Variants in DERA observed in about 807,000 individuals in gnomAD.
The protein encoded by DERA is deoxyribose-phosphate aldolase.
Under a neutral mutation model 41.1 loss-of-function variants are expected in DERA, and 15 were observed. That is an observed-to-expected ratio of 0.37 (90% confidence interval 0.24 to 0.56). The LOEUF (loss-of-function observed/expected upper bound fraction) is 0.56. Ranked by LOEUF, DERA falls within the 20% of genes least tolerant of loss-of-function variation. The pLI is 0.81. For missense variants in DERA, 396 were observed against 403.4 expected, an observed-to-expected ratio of 0.98 and a Z score of 0.16; for synonymous variants, 139 against 137.4, an observed-to-expected ratio of 1.01 and a Z score of -0.08.
In DERA at chr12:15,957,066, A is replaced by T. The variant is rs748795653; in HGVS notation, c.129+33A>T. The stretch of plus-strand genomic sequence containing the variant: ...TTCTTCTTGAGCATTCTGTGCCTGT[A>T]TTTTACAATGCATGGTCTCTTCCCT... On this transcript the variant is annotated intron_variant, in intron 2 of 8. Coordinates refer to ENST00000428559, the MANE Select transcript of DERA (RefSeq NM_015954.4). This position sits in a 1 kb window ranked among gnomAD's most constrained non-coding sequence, Gnocchi z 4.8. 1 of 1,513,340 alleles carries T rather than the reference A, an allele frequency of 6.6e-7. No individual in the cohort carries two copies. Among genetic ancestry groups the T allele is most frequent in the South Asian group, 1.1e-5 (1 of 88,596 alleles). 93.7% of individuals were successfully genotyped at this position (1,513,340 alleles called of 1,614,324 possible).
intron 6 of DERA, among the ~76,000 whole-genome samples, chr12:16,025,291 A>C (rs1311532315): frequency 6.6e-6 from 1 of 152,154 alleles, no homozygotes; most frequent in Non-Finnish European, 1.5e-5. Flanking sequence ...AGATCCTACT[A>C]TATGTTGTCT....
In DERA at chr12:16,032,655, G is replaced by GTATA; in HGVS notation, c.750+3_750+6dup. 1.3e-6 allele frequency: 2 copies of GTATA among 1,508,120 alleles called. No homozygotes were observed. The highest frequency in any genetic ancestry group is 1.8e-6 in the Non-Finnish European group (2 of 1,105,698). 93.4% of individuals were successfully genotyped at this position (1,508,120 alleles called of 1,614,324 possible). A position where few individuals can be genotyped will look rare whatever the true frequency, so the allele number is the denominator to read the frequency against. On this transcript the variant is annotated splice_donor_variant, in intron 7 of 8. Coordinates refer to ENST00000428559, the MANE Select transcript of DERA (RefSeq NM_015954.4). LOFTEE classifies it high-confidence loss of function. Reference sequence around the variant, plus strand: ...TTTCTTCTGGAAAACTGGAAACAAGGTATATTATTGCCAGCAAATCTTTCT... The same window carrying GTATA: ...TTTCTTCTGGAAAACTGGAAACAAGGTATATATATTATTGCCAGCAAATCTTTCT...
chr12:15,926,628 C>T (rs975375221), intron 1 of DERA, among the ~76,000 whole-genome samples: 6 of 149,258 alleles, frequency 4.0e-5, no homozygotes, highest in Non-Finnish European at 8.9e-5. Flanking sequence ...CCCAGCTACT[C>T]GGGAGGCTGA....
Position 15,966,731 on chromosome 12 carries a change from C to G in DERA, c.508+3784C>G, listed in dbSNP as rs138762455. Among the ~76,000 whole-genome samples the G allele has an allele frequency of 1.6e-3, 239 of 152,178 alleles. No individual in the cohort carries two copies. Among genetic ancestry groups the G allele is most frequent in the Non-Finnish European group, 2.8e-3 (191 of 68,008 alleles). ...GTCTCATTTGCAAGCTCCTTCACCT[C>G]CTCTGTCATCCCTGAAGTGTCCATG... On this transcript the variant is annotated intron_variant, in intron 5 of 8. Transcript: ENST00000428559. This position sits in a 1 kb window ranked among gnomAD's most constrained non-coding sequence, Gnocchi z 5.1.
chr12:15,931,613 A>G lies in DERA; in HGVS notation c.31+20199A>G, dbSNP rs1329572274. ...AGTCTTTTATGGAGTTATCTTCATG[A>G]GAGCATGCTATGGTTTGGATGTGGT... On this transcript the variant is annotated intron_variant, in intron 1 of 8. Coordinates refer to ENST00000428559, the MANE Select transcript of DERA (RefSeq NM_015954.4). This position sits in a 1 kb window ranked among gnomAD's most constrained non-coding sequence, Gnocchi z 4.6. Among the ~76,000 whole-genome samples the G allele has an allele frequency of 6.6e-6, 1 of 152,214 alleles. No homozygotes were observed. Among genetic ancestry groups the G allele is most frequent in the Non-Finnish European group, 1.5e-5 (1 of 68,038 alleles).
rs1387221917 is a variant in DERA at position 16,032,395 on chromosome 12, T to C, written c.638-147T>C. On this transcript the variant is annotated intron_variant, in intron 6 of 8. Transcript: ENST00000428559. ...TGGACATAATCATTTTAAAGGGAGATTTTGGTTTTAGTTTTTCCAATAATT... is the reference window on the plus strand; with the variant it reads ...TGGACATAATCATTTTAAAGGGAGACTTTGGTTTTAGTTTTTCCAATAATT... 5.3e-6 allele frequency: 3 copies of C among 560,976 alleles called. No homozygotes were observed. In the Admixed American group the frequency reaches 1.1e-4, roughly 20 times the overall value. The allele number at this position is 560,976 out of a possible 1,614,324, so 34.7% of individuals were successfully genotyped here.
intron 6 of DERA, among the ~76,000 whole-genome samples, chr12:16,016,861 T>C (rs969940520): frequency 6.6e-6 from 1 of 151,120 alleles, no homozygotes; most frequent in East Asian, 1.9e-4. Context: ...ATAGAAGTTA[T>C]GTACTTTGAT....
intron 1 of DERA, among the ~76,000 whole-genome samples, chr12:15,925,152 A>G (rs1385455017): frequency 6.6e-6 from 1 of 151,508 alleles, no homozygotes; most frequent in East Asian, 1.9e-4. Flanking sequence ...CCGAGCCCCA[A>G]CCCCTTTGCT....
rs75206173 is a variant in DERA, at chr12:15,928,979, C to T, written c.31+17565C>T. Among the ~76,000 whole-genome samples, 439 of 152,292 alleles carry T rather than the reference C, an allele frequency of 2.9e-3. 1 individual carries two copies. Among genetic ancestry groups the T allele is most frequent in the African/African-American group, 0.01 (418 of 41,576 alleles). ...GTCCTGCAGACGGGAGCAGCGTTCT[C>T]TGTGAAAACTGGACAGGAGTCAGCT... is the stretch of plus-strand genomic sequence containing the variant. On this transcript the variant is annotated intron_variant, in intron 1 of 8. Coordinates refer to ENST00000428559, the MANE Select transcript of DERA (RefSeq NM_015954.4). This position sits in a 1 kb window ranked among gnomAD's most constrained non-coding sequence, Gnocchi z 4.6.
chr12:16,032,390 G>T (rs1321107775), intron 6 of DERA, among the ~76,000 whole-genome samples, 152 bp from the exon 7 acceptor site: 1 of 152,072 alleles, frequency 6.6e-6, no homozygotes, highest in African/African-American at 2.4e-5. Context: ...CATTTTAAAG[G>T]GAGATTTTGG....
Position 16,032,546 on chromosome 12 carries a change from A to T in DERA, c.642A>T (p.Ser214=), listed in dbSNP as rs780726093. The part of the protein sequence containing the change: ...KASMIAMMAG[S]DFIKTSTGKE... The stretch of plus-strand genomic sequence containing the variant: ...TTTTTCCTCTTTTTGTTTTAGGATC[A>T]GATTTTATTAAGACCTCTACTGGAA... The change falls in exon 7 of 9, where the codon TCA becomes TCT. Residue 214 remains serine (S), a synonymous_variant. Transcript: ENST00000428559. 2.7e-6 allele frequency: 4 copies of T among 1,483,680 alleles called. No homozygotes were observed. In the South Asian group the frequency reaches 5.3e-5, roughly 20 times the overall value. The allele number at this position is 1,483,680 out of a possible 1,614,324, so 91.9% of individuals were successfully genotyped here.
chr12:15,912,604 G>A (rs1194653624), intron 1 of DERA, among the ~76,000 whole-genome samples: 1 of 152,170 alleles, frequency 6.6e-6, no homozygotes, highest in African/African-American at 2.4e-5. Flanking sequence ...GCCGTTAGGA[G>A]ATTAAATAGG....
rs1040663785 is a variant in DERA, at chr12:16,001,309, C to T, written c.637+18873C>T. On this transcript the variant is annotated intron_variant, in intron 6 of 8. Transcript: ENST00000428559. The surrounding 1 kb of genome is among the most constrained non-coding windows in gnomAD (Gnocchi z 4.1). ...AAATAAAAAAAACCATTCAGGCTCC[C>T]ATGAGGTGATCAGGTACTTCTTTAT... is the stretch of plus-strand genomic sequence containing the variant. Among the ~76,000 whole-genome samples the T allele has an allele frequency of 6.6e-6, 1 of 152,172 alleles. No homozygotes were observed. Among genetic ancestry groups the T allele is most frequent in the African/African-American group, 2.4e-5 (1 of 41,448 alleles).
intron 6 of DERA, among the ~76,000 whole-genome samples, chr12:16,028,009 G>A (rs922661315): frequency 1.3e-5 from 2 of 152,204 alleles, no homozygotes; most frequent in African/African-American, 4.8e-5. Context: ...TTACAGATAT[G>A]TGTATATAAA....
rs542120560 is a variant in DERA at position 15,974,601 on chromosome 12, A to T, written c.509-7707A>T. The stretch of plus-strand genomic sequence containing the variant: ...ATGTTCCTTTTTTTACTTGGCAAAG[A>T]TGGTTTCTGCCAAGTTTCTCCATTG... On this transcript the variant is annotated intron_variant, in intron 5 of 8. Coordinates refer to ENST00000428559, the MANE Select transcript of DERA (RefSeq NM_015954.4). 8.3e-4 allele frequency among the ~76,000 whole-genome samples: 126 copies of T among 152,266 alleles called. 1 individual carries two copies. Among genetic ancestry groups the T allele is most frequent in the African/African-American group, 2.8e-3 (118 of 41,560 alleles).
intron 6 of DERA, among the ~76,000 whole-genome samples, chr12:16,006,746 A>C (rs2136176565): frequency 6.6e-6 from 1 of 152,390 alleles, no homozygotes; most frequent in African/African-American, 2.4e-5. Flanking sequence ...AGTGCTGAGC[A>C]CATAGCCTAG....
chr12:16,034,653 C>T lies in DERA; in HGVS notation c.751-1579C>T, dbSNP rs533769108. 7.9e-5 allele frequency among the ~76,000 whole-genome samples: 12 copies of T among 152,012 alleles called. No homozygotes were observed. In the East Asian group the frequency reaches 2.1e-3, roughly 27 times the overall value. ...ATTGATTTAAGGGTGTTTTAAAATG[C>T]GATAGGCTAGCTTCCAGACCATGAT... On this transcript the variant is annotated intron_variant, in intron 7 of 8. Transcript: ENST00000428559.
chr12:16,030,921 AGAAAT>A (rs1354540075), intron 6 of DERA, among the ~76,000 whole-genome samples: 4 of 152,228 alleles, frequency 2.6e-5, no homozygotes, highest in African/African-American at 9.6e-5. Context: ...ACAGACCCAA[AGAAAT>A]GAAGGCTTCC....
rs1272335915 is a variant in DERA, at chr12:15,998,532, G to C, written c.637+16096G>C. On this transcript the variant is annotated intron_variant, in intron 6 of 8. Transcript: ENST00000428559. The surrounding 1 kb of genome is among the most constrained non-coding windows in gnomAD (Gnocchi z 4.8). The stretch of plus-strand genomic sequence containing the variant: ...GGGTTTCTTCATATTGGCCAGGCTG[G>C]TCTCGAACTCCTGACCTCAGGTGAT... Among the ~76,000 whole-genome samples the C allele has an allele frequency of 6.6e-6, 1 of 152,014 alleles. No homozygotes were observed. Among genetic ancestry groups the C allele is most frequent in the Non-Finnish European group, 1.5e-5 (1 of 68,006 alleles).
Sources: gnomAD v4.1 joint callset for allele counts (sites outside exome capture counted in the v4.1 genomes callset) on GRCh38, gnomAD v4.1.1 for gene constraint, Gnocchi (gnomAD v3.1) non-coding constraint, MANE v1.5 for transcripts, NCBI Gene and HGNC (gene_info 2026-07-23, HGNC 2026-07-21) for gene names.